Variants in TRPM1 observed in about 807,000 individuals in gnomAD.
TRPM1 encodes the protein transient receptor potential cation channel subfamily M member 1, also known as TRPM1-203 APA Isoform, Intron 10.
In TRPM1, 113 loss-of-function variants were observed where a neutral mutation model predicts 149.4. The ratio of observed to expected loss-of-function variants is 0.76; its 90% CI spans 0.65 to 0.88. TRPM1 has a LOEUF of 0.88. TRPM1 is among the 40% of genes least tolerant of loss of function. The probability of loss-of-function intolerance (pLI) is 0.00; values close to 1 mark genes in which losing one functional copy is unlikely to be tolerated. For synonymous variants in TRPM1, 741 were observed against 759.5 expected (o/e 0.98, Z 0.40); for missense variants, 1,976 against 2,038.7 (o/e 0.97, Z 0.59).
chr15:31,088,650 A>G (rs1356534005), intron 1 of TRPM1, among the ~76,000 whole-genome samples: 1 of 152,336 alleles, frequency 6.6e-6, no homozygotes, highest in Non-Finnish European at 1.5e-5. Flanking sequence ...CGGACATGCC[A>G]CACTCACGGA....
chr15:31,033,151 C>T, intron 21 of TRPM1: 1 of 652,344 alleles, frequency 1.5e-6, no homozygotes, highest in Non-Finnish European at 2.6e-6. Flanking sequence ...CAGGGTTTTA[C>T]AAACTCAGGA....
intron 7 of TRPM1, chr15:31,065,134 C>T: frequency 9.4e-6 from 5 of 534,462 alleles, no homozygotes; most frequent in South Asian, 7.0e-5. Flanking sequence ...AGTCACATGG[C>T]CAGGTGAAAT....
At chr15:31,158,699 C>T (rs953813448) in intron 1 of TRPM1, among the ~76,000 whole-genome samples, 129 of 150,628 alleles carry the variant, frequency 8.6e-4, no homozygotes, top group African/African-American at 3.0e-3. Flanking sequence ...CAGAGTAGGA[C>T]GTTCCCAAAA....
chr15:31,037,577 G>A, intron 20 of TRPM1, 134 bp downstream of exon 20: 2 of 1,271,240 alleles, frequency 1.6e-6, no homozygotes, highest in Non-Finnish European at 1.1e-6. Flanking sequence ...ATTAGTCCCA[G>A]TTTTGTTCTC....
intron 13 of TRPM1, among the ~76,000 whole-genome samples, chr15:31,048,629 T>C (rs533437716): frequency 1.3e-5 from 2 of 152,208 alleles, no homozygotes; most frequent in South Asian, 4.1e-4. Context: ...CTGGGCAACA[T>C]GTCGAAACCC....
chr15:31,147,063 C>T (rs1225598752), intron 1 of TRPM1, among the ~76,000 whole-genome samples: 1 of 151,756 alleles, frequency 6.6e-6, no homozygotes, highest in East Asian at 1.9e-4. Context: ...GCCTATGAAG[C>T]CAATCTCCTT....
chr15:31,113,381 G>GTTCT (rs992103283), intron 1 of TRPM1, among the ~76,000 whole-genome samples: 1 of 151,788 alleles, frequency 6.6e-6, no homozygotes, highest in African/African-American at 2.4e-5. Flanking sequence ...AACCAACGGG[G>GTTCT]TTCTCCAAAG....
intron 11 of TRPM1, among the ~76,000 whole-genome samples, chr15:31,059,973 C>T (rs2034180898): frequency 6.6e-6 from 1 of 151,900 alleles, no homozygotes; most frequent in Admixed American, 6.6e-5. Flanking sequence ...CTGCTCATCC[C>T]ATATCACACA....
intron 4 of TRPM1, among the ~76,000 whole-genome samples, chr15:31,068,744 CAAAAAAAAAAAA>C (rs60411633): frequency 4.1e-3 from 246 of 60,218 alleles, no homozygotes; most frequent in Non-Finnish European, 6.3e-3. Context: ...AACTCCAACT[CAAAAAAAAAAAA>C]AAAAAAAAAA....
chr15:31,121,714 T>C (rs1006491166), intron 1 of TRPM1, among the ~76,000 whole-genome samples: 1 of 152,146 alleles, frequency 6.6e-6, no homozygotes, highest in African/African-American at 2.4e-5. Context: ...GGCCTAGATG[T>C]TTCACTGGTG....
At chr15:31,076,712 C>A (rs2241497) in intron 3 of TRPM1, among the ~76,000 whole-genome samples, 193 bp downstream of exon 3, 1 of 151,610 alleles carries the variant, frequency 6.6e-6, no homozygotes, top group East Asian at 1.9e-4. Context: ...GTGGTGGACA[C>A]AAACTCTTTT....
intron 1 of TRPM1, among the ~76,000 whole-genome samples, chr15:31,088,669 G>C (rs943020092): frequency 1.3e-5 from 2 of 152,172 alleles, no homozygotes; most frequent in Admixed American, 1.3e-4. Flanking sequence ...GACTAGGATG[G>C]GCATTTCATA....
chr15:31,134,823 G>C (rs1203872762), intron 1 of TRPM1, among the ~76,000 whole-genome samples: 3 of 152,222 alleles, frequency 2.0e-5, no homozygotes, highest in Non-Finnish European at 4.4e-5. Context: ...CCAACATGGA[G>C]AAACCCCATC....
chr15:31,113,472 A>G (rs1305657299), intron 1 of TRPM1, among the ~76,000 whole-genome samples: 2 of 152,118 alleles, frequency 1.3e-5, no homozygotes, highest in African/African-American at 4.8e-5. Flanking sequence ...AGAGATAAAA[A>G]TGGGTCAAAC....
intron 1 of TRPM1, among the ~76,000 whole-genome samples, chr15:31,149,799 G>A (rs972749003): frequency 9.2e-5 from 14 of 152,214 alleles, no homozygotes; most frequent in South Asian, 6.2e-4. Flanking sequence ...GATTACAGGC[G>A]TGAGCCACGG....
At position 31,031,176 on chromosome 15, in the gene TRPM1, T is replaced by A; in HGVS notation, c.2953-19A>T. 6.2e-7 allele frequency: 1 copy of A among 1,614,156 alleles called. No homozygotes were observed. The highest frequency in any genetic ancestry group is 1.1e-5 in the South Asian group (1 of 91,086). On this transcript the variant is annotated intron_variant, in intron 22 of 27. Transcript: ENST00000256552. ...CGATCATCTGAGTAAGGAGAACATT[T>A]GTCTCTCACTGTCTTGGCTTGTGGG...
chr15:31,110,762 G>C (rs1182349328), intron 1 of TRPM1, among the ~76,000 whole-genome samples: 3 of 152,158 alleles, frequency 2.0e-5, no homozygotes, highest in African/African-American at 7.2e-5. Context: ...GGAGTTATCA[G>C]TGGGAGGATC....
intron 3 of TRPM1, 173 bp from the exon 4 acceptor site, chr15:31,070,399 A>T (rs2034507287): frequency 1.4e-6 from 1 of 722,242 alleles, no homozygotes; most frequent in African/African-American, 1.7e-5. Context: ...CCTTTTCCAG[A>T]TAATCAGTGC....
At chr15:31,127,828 C>T (rs1252586927) in intron 1 of TRPM1, among the ~76,000 whole-genome samples, 9 of 152,304 alleles carry the variant, frequency 5.9e-5, no homozygotes, top group East Asian at 3.9e-4. Context: ...GCGCTCGGCT[C>T]CCAGAGGATG....
Sources: allele counts gnomAD v4.1 joint callset (sites outside exome capture counted in the v4.1 genomes callset), GRCh38; gene constraint gnomAD v4.1.1; transcripts MANE v1.5; gene names NCBI Gene and HGNC (gene_info 2026-07-23, HGNC 2026-07-21).